Variants in RAB30 observed in about 807,000 individuals in gnomAD.
RAB30 encodes ras-related protein Rab-30.
A neutral mutation model predicts 25.1 loss-of-function variants in RAB30; 9 were observed. The ratio of observed to expected loss-of-function variants is 0.36; its 90% CI spans 0.22 to 0.63. The LOEUF is 0.63. Ranked by LOEUF, RAB30 falls within the 20% of genes least tolerant of loss-of-function variation. RAB30 has a pLI of 0.69. For synonymous variants in RAB30, 77 were observed against 86.4 expected, an observed-to-expected ratio of 0.89 and a Z score of 0.60; for missense variants, 140 against 243.5, an observed-to-expected ratio of 0.58 and a Z score of 2.83.
chr11:83,029,397 T>TATC (rs1857800546), intron 1 of RAB30, among the ~76,000 whole-genome samples: 1 of 151,228 alleles, frequency 6.6e-6, no homozygotes. Context: ...TTAAATATTT[T>TATC]ATTATTATTA....
chr11:83,011,294 T>C (rs1404829388), intron 1 of RAB30, among the ~76,000 whole-genome samples: 1 of 152,260 alleles, frequency 6.6e-6, no homozygotes, highest in Non-Finnish European at 1.5e-5. Context: ...TTGATCGTTG[T>C]TGTAATCGCA....
At chr11:82,987,833 A>G (rs1856767017) in intron 3 of RAB30, 63 bp from the exon 4 acceptor site, 1 of 1,225,918 alleles carries the variant, frequency 8.2e-7, no homozygotes, top group Non-Finnish European at 1.1e-6. Flanking sequence ...AAAGAAAAAA[A>G]AAGCTTTGCC....
rs564299934 is a variant in RAB30, at chr11:82,980,661, C to T, written c.*1504G>A. 1 of 152,306 alleles carries T rather than the reference C, an allele frequency of 6.6e-6. No homozygotes were observed. The highest frequency in any genetic ancestry group is 1.9e-4 in the East Asian group (1 of 5,182). 9.4% of individuals were successfully genotyped at this position (152,306 alleles called of 1,614,324 possible). On this transcript the variant is annotated 3_prime_UTR_variant, in exon 5 of 5. Coordinates refer to ENST00000527633, the MANE Select transcript of RAB30 (RefSeq NM_001286060.2). ...TTATTTTCCCAATTTGCATTTATATCAGTGAACAAATTGGAAGCTATCAAA... is the reference window on the plus strand; with the variant it reads ...TTATTTTCCCAATTTGCATTTATATTAGTGAACAAATTGGAAGCTATCAAA...
chr11:83,067,114 C>T (rs1301299521), intron 1 of RAB30, among the ~76,000 whole-genome samples: 1 of 152,080 alleles, frequency 6.6e-6, no homozygotes, highest in Non-Finnish European at 1.5e-5. Flanking sequence ...CACCCATCAC[C>T]CCTACCCCCT....
intron 4 of RAB30, 63 bp from the exon 5 acceptor site, chr11:82,982,478 C>G: frequency 6.5e-7 from 1 of 1,533,858 alleles, no homozygotes; most frequent in Non-Finnish European, 8.9e-7. Flanking sequence ...TGAGAAGCAT[C>G]AAAATTCAAC....
chr11:83,060,167 A>T (rs1858539682), intron 1 of RAB30: 1 of 151,720 alleles, frequency 6.6e-6, no homozygotes, highest in Admixed American at 6.6e-5. Context: ...GCGCCACTGC[A>T]CTCCATCCAA....
chr11:83,062,162 C>A (rs1424505917), intron 1 of RAB30, among the ~76,000 whole-genome samples: 2 of 152,082 alleles, frequency 1.3e-5, no homozygotes, highest in Non-Finnish European at 1.5e-5. Flanking sequence ...GGGTCTATAT[C>A]TGCATTTTTC....
In RAB30 at chr11:82,975,426, T is replaced by C. The variant is rs1263230676; in HGVS notation, c.*6739A>G. ...ATTATCTTAACAAAGTAGATTATCT[T>C]TTGCTTTTCTGTACATGAATTTTTT... On this transcript the variant is annotated 3_prime_UTR_variant, in exon 5 of 5. Coordinates refer to ENST00000527633, the MANE Select transcript of RAB30 (RefSeq NM_001286060.2). 1 of 152,214 alleles carries C rather than the reference T, an allele frequency of 6.6e-6. No individual in the cohort carries two copies. Among genetic ancestry groups the C allele is most frequent in the Non-Finnish European group, 1.5e-5 (1 of 68,018 alleles). The allele number at this position is 152,214 out of a possible 1,614,324, so 9.4% of individuals were successfully genotyped here. A position where few individuals can be genotyped will look rare whatever the true frequency, so the allele number is the denominator to read the frequency against.
At chr11:83,040,200 C>A (rs1373738069) in intron 1 of RAB30, among the ~76,000 whole-genome samples, 5 of 152,126 alleles carry the variant, frequency 3.3e-5, no homozygotes, top group African/African-American at 7.2e-5. Flanking sequence ...TGCTCTAAGA[C>A]AGAAATGAAA....
At chr11:83,063,442 C>A (rs1226802597) in intron 1 of RAB30, among the ~76,000 whole-genome samples, 1 of 152,176 alleles carries the variant, frequency 6.6e-6, no homozygotes, top group African/African-American at 2.4e-5. Context: ...CTGCAGAATT[C>A]TCTGGGGAAA....
chr11:83,011,339 C>T (rs1307798244), intron 1 of RAB30, among the ~76,000 whole-genome samples: 1 of 152,124 alleles, frequency 6.6e-6, no homozygotes, highest in African/African-American at 2.4e-5. Context: ...AAAATCATTT[C>T]AATTTTGAGA....
At chr11:83,054,585 G>A (rs1395530168) in intron 1 of RAB30, among the ~76,000 whole-genome samples, 2 of 152,036 alleles carry the variant, frequency 1.3e-5, no homozygotes, top group African/African-American at 2.4e-5. Context: ...TTGAGGCCAC[G>A]CATGGTGGCA....
chr11:83,029,055 T>C (rs915665051), intron 1 of RAB30, among the ~76,000 whole-genome samples: 1 of 152,062 alleles, frequency 6.6e-6, no homozygotes, highest in African/African-American at 2.4e-5. Flanking sequence ...CTGGAGGATG[T>C]CCTTCACTAA....
rs922333151 is a variant in RAB30 at position 82,981,565 on chromosome 11, T to C, written c.*600A>G. Reference sequence around the variant, plus strand: ...CAAAAGGAGTTATGGAGCTTGTATATATTATTAAAACAATGATTGTTACTG... The same window carrying C: ...CAAAAGGAGTTATGGAGCTTGTATACATTATTAAAACAATGATTGTTACTG... On this transcript the variant is annotated 3_prime_UTR_variant, in exon 5 of 5. Coordinates refer to ENST00000527633, the MANE Select transcript of RAB30 (RefSeq NM_001286060.2). 1 of 153,028 alleles carries C rather than the reference T, an allele frequency of 6.5e-6. No homozygotes were observed. The highest frequency in any genetic ancestry group is 2.4e-5 in the African/African-American group (1 of 41,450). 9.5% of individuals were successfully genotyped at this position (153,028 alleles called of 1,614,324 possible).
chr11:83,049,990 G>C (rs530305152), intron 1 of RAB30, among the ~76,000 whole-genome samples: 1 of 152,272 alleles, frequency 6.6e-6, no homozygotes, highest in Non-Finnish European at 1.5e-5. Flanking sequence ...AAGCATGGTG[G>C]CTCATGCCTA....
intron 1 of RAB30, among the ~76,000 whole-genome samples, chr11:83,026,872 T>C (rs1857731028): frequency 6.6e-6 from 1 of 152,128 alleles, no homozygotes; most frequent in Non-Finnish European, 1.5e-5. Flanking sequence ...TTTTGGAAGC[T>C]TGGGAAGCAG....
chr11:82,990,540 G>A (rs1382487602), intron 3 of RAB30, among the ~76,000 whole-genome samples: 2 of 152,208 alleles, frequency 1.3e-5, no homozygotes, highest in African/African-American at 4.8e-5. Context: ...ATGGAGGAAT[G>A]AATGGATGGA....
At chr11:83,050,080 A>G (rs1858323853) in intron 1 of RAB30, among the ~76,000 whole-genome samples, 1 of 152,054 alleles carries the variant, frequency 6.6e-6, no homozygotes, top group Non-Finnish European at 1.5e-5. Context: ...CAACATAGGG[A>G]GACCTCATCT....
chr11:83,026,497 C>A (rs559093885), intron 1 of RAB30, among the ~76,000 whole-genome samples: 1 of 152,310 alleles, frequency 6.6e-6, no homozygotes, highest in East Asian at 1.9e-4. Context: ...TCCACTCTCA[C>A]ATGTAACATT....
Sources: allele counts gnomAD v4.1 joint callset (sites outside exome capture counted in the v4.1 genomes callset), GRCh38; gene constraint gnomAD v4.1.1; transcripts MANE v1.5; gene names NCBI Gene and HGNC (gene_info 2026-07-23, HGNC 2026-07-21).